Variants in CGRRF1 observed in about 807,000 individuals in gnomAD.
CGRRF1 encodes the protein cell growth regulator with RING finger domain protein 1.
CGRRF1 carries 32 observed loss-of-function variants against 37.2 expected under a neutral mutation model. The observed-to-expected ratio is 0.86, with a 90% CI of 0.65 to 1.16. CGRRF1 has a LOEUF of 1.16. Ranked by LOEUF, CGRRF1 falls within the 50% of genes most tolerant of loss-of-function variation. CGRRF1 has a pLI of 0.00. For missense variants in CGRRF1, 391 were observed against 382.6 expected (o/e 1.02, Z -0.18); for synonymous variants, 141 against 140.3 (o/e 1.00, Z -0.04).
Position 54,512,914 on chromosome 14 carries a change from G to C in CGRRF1, c.104+2851G>C, listed in dbSNP as rs953900140. Among the ~76,000 whole-genome samples, 3 of 152,166 alleles carry C rather than the reference G, an allele frequency of 2.0e-5. No homozygotes were observed. The South Asian group carries it at 6.2e-4, about 32-fold the overall frequency. On this transcript the variant is annotated intron_variant, in intron 1 of 5. Transcript: ENST00000216420. ...CTCTTTTCTCTGTTCCCTTGTCCTAGGAGTGATAGCTGCTTCCTGCTGTTA... is the reference window on the plus strand; with the variant it reads ...CTCTTTTCTCTGTTCCCTTGTCCTACGAGTGATAGCTGCTTCCTGCTGTTA...
At chr14:54,519,226 G>A (rs577513323) in intron 1 of CGRRF1, among the ~76,000 whole-genome samples, 97 of 151,558 alleles carry the variant, frequency 6.4e-4, no homozygotes, top group Non-Finnish European at 9.7e-4. Flanking sequence ...GATCACAGGC[G>A]TGAGCTACTG....
At chr14:54,530,867 G>A in intron 3 of CGRRF1, 36 bp from the exon 4 acceptor site, 1 of 1,492,290 alleles carries the variant, frequency 6.7e-7, no homozygotes, top group Non-Finnish European at 9.3e-7. Flanking sequence ...TGTTCTTATG[G>A]TTATAGTGGC....
At chr14:54,517,802 C>G (rs1249158014) in intron 1 of CGRRF1, among the ~76,000 whole-genome samples, 1 of 152,170 alleles carries the variant, frequency 6.6e-6, no homozygotes, top group African/African-American at 2.4e-5. Context: ...GGGCCCCAGT[C>G]TGTGTTGTTT....
intron 2 of CGRRF1, among the ~76,000 whole-genome samples, chr14:54,525,805 A>G (rs2032401625): frequency 6.6e-6 from 1 of 152,212 alleles, no homozygotes; most frequent in Admixed American, 6.5e-5. Flanking sequence ...TAACTTGAAA[A>G]TAAACCAGAG....
Position 54,537,718 on chromosome 14 carries a change from T to C in CGRRF1, c.571-4T>C. On this transcript the variant is annotated splice_region_variant and splice_polypyrimidine_tract_variant and intron_variant, in intron 4 of 5. Transcript: ENST00000216420. ...TACTGACCAGTGTTCAATTTTTATTTTAGATTTCCATGGTGTCAGTGATTC... is the reference window on the plus strand; with the variant it reads ...TACTGACCAGTGTTCAATTTTTATTCTAGATTTCCATGGTGTCAGTGATTC... 6.5e-7 allele frequency: 1 copy of C among 1,548,732 alleles called. No homozygotes were observed. The highest frequency in any genetic ancestry group is 8.7e-7 in the Non-Finnish European group (1 of 1,153,842).
At chr14:54,516,522 A>C (rs1287457847) in intron 1 of CGRRF1, among the ~76,000 whole-genome samples, 1 of 151,884 alleles carries the variant, frequency 6.6e-6, no homozygotes, top group Non-Finnish European at 1.5e-5. Context: ...TTGTTCCTCT[A>C]TGTGTAGTAT....
intron 4 of CGRRF1, among the ~76,000 whole-genome samples, chr14:54,532,563 A>G (rs190675969): frequency 6.6e-6 from 1 of 152,308 alleles, no homozygotes; most frequent in Non-Finnish European, 1.5e-5. Context: ...AGGTATATAT[A>G]TATCAAAACA....
At chr14:54,524,744 C>T (rs1377582937) in intron 2 of CGRRF1, among the ~76,000 whole-genome samples, 1 of 152,032 alleles carries the variant, frequency 6.6e-6, no homozygotes, top group Admixed American at 6.6e-5. Flanking sequence ...AATACTATTA[C>T]CCTATGAATT....
intron 2 of CGRRF1, among the ~76,000 whole-genome samples, chr14:54,529,217 C>T (rs908485404): frequency 2.6e-5 from 4 of 152,068 alleles, no homozygotes; most frequent in East Asian, 1.9e-4. Context: ...AGTTTGCACC[C>T]CCAGCAGTAT....
chr14:54,520,592 C>T (rs1380763380), intron 1 of CGRRF1, among the ~76,000 whole-genome samples: 6 of 152,184 alleles, frequency 3.9e-5, no homozygotes, highest in East Asian at 1.9e-4. Context: ...CCATTGTTCT[C>T]ATTTTTATTT....
At chr14:54,514,412 G>T (rs1486049965) in intron 1 of CGRRF1, among the ~76,000 whole-genome samples, 7 of 152,092 alleles carry the variant, frequency 4.6e-5, no homozygotes, top group Non-Finnish European at 8.8e-5. Flanking sequence ...CTCATTGGTG[G>T]CCTGTATTTT....
At position 54,519,128 on chromosome 14, in the gene CGRRF1, T is replaced by C. The variant is rs181874492; in HGVS notation, c.105-3326T>C. Among the ~76,000 whole-genome samples the C allele has an allele frequency of 9.5e-3, 1,446 of 152,104 alleles. 9 individuals carry two copies. The highest frequency in any genetic ancestry group is 0.024 in the Middle Eastern group (7 of 294). ...CAGCTAATTTTTTTTGTATTTTTAG[T>C]AGAGACGGGGTTTCTCCATGTTGTT... On this transcript the variant is annotated intron_variant, in intron 1 of 5. Transcript: ENST00000216420.
chr14:54,522,470 C>T lies in CGRRF1; in HGVS notation c.121C>T (p.Pro41Ser). ...TTTTTTTAGGTTTGGTTGGGATGTT[C>T]CAGTAATTCTGAGAAATTCAGAAGA... ...LVLGWFGWDV[P>S]VILRNSEETQ... The change falls in exon 2 of 6, where the codon CCA becomes TCA. Residue 41 changes from proline (P) to serine (S), a missense_variant. Physicochemically the swap from Pro to Ser is moderately conservative, Grantham distance 74. Transcript: ENST00000216420. The T allele has an allele frequency of 6.4e-7, 1 of 1,569,396 alleles. No individual in the cohort carries two copies. Among genetic ancestry groups the T allele is most frequent in the Non-Finnish European group, 8.6e-7 (1 of 1,164,620 alleles).
chr14:54,533,333 G>A (rs1402841024), intron 4 of CGRRF1, among the ~76,000 whole-genome samples: 1 of 152,114 alleles, frequency 6.6e-6, no homozygotes, highest in East Asian at 1.9e-4. Context: ...AGGGAAGCCT[G>A]AGTGTCTCCC....
At chr14:54,530,858 G>A (rs776714331) in intron 3 of CGRRF1, 45 bp from the exon 4 acceptor site, 9 of 1,432,010 alleles carry the variant, frequency 6.3e-6, no homozygotes, top group South Asian at 4.7e-5. Flanking sequence ...GTGTATTTTT[G>A]TTCTTATGGT....
intron 4 of CGRRF1, among the ~76,000 whole-genome samples, chr14:54,534,790 C>T (rs771476639): frequency 6.6e-6 from 1 of 152,160 alleles, no homozygotes; most frequent in Non-Finnish European, 1.5e-5. Context: ...TCATGGCTCA[C>T]TGCAGCCTCA....
chr14:54,538,103 A>G lies in CGRRF1; in HGVS notation c.719A>G (p.Asn240Ser). Reference sequence around the variant, plus strand: ...GCAAATAATAATTTCACTCCCTCCAACAATTCCTCTTCAGAAGAAAAAAAC... The same window carrying G: ...GCAAATAATAATTTCACTCCCTCCAGCAATTCCTCTTCAGAAGAAAAAAAC... ...MSANNNFTPSNNSSSEEKNTD... is the reference protein window; with the variant it reads ...MSANNNFTPSSNSSSEEKNTD... Residue 240 changes from asparagine to serine, a missense_variant, in exon 6 of 6, where the codon AAC becomes AGC. Transcript: ENST00000216420. The G allele has an allele frequency of 1.9e-6, 3 of 1,613,802 alleles. No homozygotes were observed. The highest frequency in any genetic ancestry group is 2.5e-6 in the Non-Finnish European group (3 of 1,179,958).
chr14:54,510,806 C>G (rs72711670), intron 1 of CGRRF1, among the ~76,000 whole-genome samples: 1 of 152,134 alleles, frequency 6.6e-6, no homozygotes, highest in Non-Finnish European at 1.5e-5. Flanking sequence ...TTTAGACAAG[C>G]CTTGTAAATA....
At chr14:54,534,392 G>A (rs1414238014) in intron 4 of CGRRF1, among the ~76,000 whole-genome samples, 1 of 152,082 alleles carries the variant, frequency 6.6e-6, no homozygotes, top group African/African-American at 2.4e-5. Flanking sequence ...CAAAGTGCTG[G>A]GGTTACAGGT....
Sources: allele counts gnomAD v4.1 joint callset (sites outside exome capture counted in the v4.1 genomes callset), GRCh38; gene constraint gnomAD v4.1.1; transcripts MANE v1.5; gene names NCBI Gene and HGNC (gene_info 2026-07-23, HGNC 2026-07-21).